DNAJC13: variants seen among roughly 807,000 people sequenced by gnomAD.
DNAJC13 encodes dnaJ homolog subfamily C member 13.
DNAJC13 carries 75 observed loss-of-function variants against 290.5 expected under a neutral mutation model. That is an observed-to-expected ratio of 0.26 (90% CI 0.21 to 0.31). DNAJC13 has a LOEUF of 0.31. Ranked by LOEUF, DNAJC13 falls within the 10% of genes least tolerant of loss-of-function variation. The pLI, the probability that DNAJC13 is intolerant of heterozygous loss-of-function variation, is 1.00. For missense variants in DNAJC13, 2,260 were observed against 2,674.5 expected (o/e 0.85, Z 3.42); for synonymous variants, 862 against 892.0 (o/e 0.97, Z 0.60).
intron 20 of DNAJC13, chr3:132,472,592 C>A: frequency 7.1e-6 from 7 of 985,296 alleles, no homozygotes; most frequent in Non-Finnish European, 7.2e-6. Context: ...GTTCCTGCTA[C>A]GTGTGTGAAA....
intron 2 of DNAJC13, 66 bp from the exon 3 acceptor site, chr3:132,446,409 T>G: frequency 9.1e-7 from 1 of 1,104,340 alleles, no homozygotes; most frequent in Non-Finnish European, 1.3e-6. Flanking sequence ...TTTTGTGTTA[T>G]ATATATTTTC....
At chr3:132,468,290 CCTTA>C (rs1469751828) in intron 20 of DNAJC13, among the ~76,000 whole-genome samples, 1 of 152,166 alleles carries the variant, frequency 6.6e-6, no homozygotes, top group Admixed American at 6.5e-5. Flanking sequence ...TTAATCTTCT[CCTTA>C]CTTATGGTAG....
At chr3:132,534,958 T>C (rs1936545134) in intron 55 of DNAJC13, among the ~76,000 whole-genome samples, 1 of 152,240 alleles carries the variant, frequency 6.6e-6, no homozygotes, top group African/African-American at 2.4e-5. Context: ...TCCAGGAATT[T>C]ATAGTGTTGT....
chr3:132,536,636 C>T (rs1480845959), intron 55 of DNAJC13, among the ~76,000 whole-genome samples: 1 of 152,130 alleles, frequency 6.6e-6, no homozygotes, highest in African/African-American at 2.4e-5. Flanking sequence ...TTGATGACAC[C>T]TACTGGATGG....
intron 24 of DNAJC13, 66 bp downstream of exon 24, chr3:132,478,206 A>T: frequency 1.5e-6 from 2 of 1,358,852 alleles, no homozygotes; most frequent in African/African-American, 2.9e-5. Flanking sequence ...AAATTTTAAA[A>T]ACTAAATTTA....
Position 132,491,014 on chromosome 3 carries a change from T to G in DNAJC13, c.3586T>G (p.Phe1196Val). Residue 1196 changes from phenylalanine to valine, a missense_variant, in exon 32 of 56, where the codon TTT becomes GTT. Transcript: ENST00000260818. ...EKFSEIFLGEFDTPEAIWSSE... is the reference protein window; with the variant it reads ...EKFSEIFLGEVDTPEAIWSSE... ...GTTTTCTGAGATTTTTCTAGGAGAA[T>G]TTGATACTCCAGAAGCAATCTGGAG... 6.2e-7 allele frequency: 1 copy of G among 1,612,648 alleles called. No individual in the cohort carries two copies. Among genetic ancestry groups the G allele is most frequent in the Non-Finnish European group, 8.5e-7 (1 of 1,179,450 alleles).
intron 2 of DNAJC13, among the ~76,000 whole-genome samples, chr3:132,437,117 A>G (rs1189204363): frequency 6.6e-6 from 1 of 151,872 alleles, no homozygotes; most frequent in African/African-American, 2.4e-5. Flanking sequence ...GACCTCAAGT[A>G]ATCCGCCCGC....
chr3:132,468,283 ATCT>A (rs1217244790), intron 20 of DNAJC13, among the ~76,000 whole-genome samples: 1 of 152,182 alleles, frequency 6.6e-6, no homozygotes, highest in East Asian at 1.9e-4. Flanking sequence ...TTTCTCCTTA[ATCT>A]TCTCCTTACT....
At chr3:132,418,943 C>T (rs532056971) in intron 1 of DNAJC13, among the ~76,000 whole-genome samples, 77 of 152,292 alleles carry the variant, frequency 5.1e-4, no homozygotes, top group Middle Eastern at 3.4e-3. Context: ...AACCACTTGT[C>T]AGAAATTCGG....
chr3:132,500,761 A>C, intron 38 of DNAJC13, 33 bp from the exon 39 acceptor site: 1 of 1,611,568 alleles, frequency 6.2e-7, no homozygotes, highest in Non-Finnish European at 8.5e-7. Context: ...ATGTGACTCT[A>C]CTGGTTTTTT....
intron 51 of DNAJC13, among the ~76,000 whole-genome samples, chr3:132,524,480 T>C (rs901388282): frequency 6.6e-6 from 1 of 152,212 alleles, no homozygotes; most frequent in Non-Finnish European, 1.5e-5. Context: ...AGAATAGTCA[T>C]AGCAGCTGCC....
intron 2 of DNAJC13, 119 bp from the exon 3 acceptor site, chr3:132,446,356 C>A: frequency 1.6e-6 from 1 of 629,984 alleles, no homozygotes; most frequent in Non-Finnish European, 2.7e-6. Flanking sequence ...TATATTTAGT[C>A]ACCATTAATC....
intron 1 of DNAJC13, among the ~76,000 whole-genome samples, chr3:132,424,967 A>T (rs1414336477): frequency 2.0e-5 from 3 of 152,134 alleles, no homozygotes; most frequent in African/African-American, 7.2e-5. Context: ...TTTCCCCCAT[A>T]CACAGCACAT....
Position 132,447,375 on chromosome 3 carries a change from G to T in DNAJC13, c.199G>T (p.Glu67Ter). Reference protein sequence around the residue: ...ISPVGKGQGTEFNLTFRKGSG... With the variant: ...ISPVGKGQGT Reference sequence around the variant, plus strand: ...CCCTGTTGGAAAAGGACAAGGAACGGAGTTCAACCTCACATTTCGTAAAGG... The same window carrying T: ...CCCTGTTGGAAAAGGACAAGGAACGTAGTTCAACCTCACATTTCGTAAAGG... Residue 67 changes from glutamate (E) to a stop codon, truncating the protein, a stop_gained, in exon 4 of 56, where the codon GAG becomes TAG. Transcript: ENST00000260818. LOFTEE classifies it high-confidence loss of function. 1 of 1,608,316 alleles carries T rather than the reference G, an allele frequency of 6.2e-7. No homozygotes were observed. Among genetic ancestry groups the T allele is most frequent in the Non-Finnish European group, 8.5e-7 (1 of 1,177,544 alleles).
chr3:132,466,765 A>G (rs574799010), intron 19 of DNAJC13, among the ~76,000 whole-genome samples: 1 of 152,320 alleles, frequency 6.6e-6, no homozygotes, highest in Admixed American at 6.5e-5. Context: ...TGTTGTTGGT[A>G]AAAACGGCCA....
chr3:132,501,341 A>T (rs1935404649), intron 39 of DNAJC13, among the ~76,000 whole-genome samples: 1 of 152,230 alleles, frequency 6.6e-6, no homozygotes, highest in Non-Finnish European at 1.5e-5. Flanking sequence ...TCTACAAAAA[A>T]ATACAAAAAT....
At chr3:132,477,401 T>A (rs1934508782) in intron 22 of DNAJC13, among the ~76,000 whole-genome samples, 1 of 152,178 alleles carries the variant, frequency 6.6e-6, no homozygotes, top group Non-Finnish European at 1.5e-5. Context: ...TGTGTTGGTT[T>A]TAAGTCTGGC....
At chr3:132,536,231 G>A (rs1936586606) in intron 55 of DNAJC13, among the ~76,000 whole-genome samples, 1 of 152,220 alleles carries the variant, frequency 6.6e-6, no homozygotes, top group Non-Finnish European at 1.5e-5. Flanking sequence ...GCAGTTAGCT[G>A]GATGATGTGG....
At chr3:132,461,547 G>A (rs1281141825) in intron 15 of DNAJC13, among the ~76,000 whole-genome samples, 4 of 152,104 alleles carry the variant, frequency 2.6e-5, no homozygotes, top group African/African-American at 4.8e-5. Flanking sequence ...TAATATTGAC[G>A]AATAAATGCA....
Sources: gnomAD v4.1 joint callset for allele counts (sites outside exome capture counted in the v4.1 genomes callset) on GRCh38, gnomAD v4.1.1 for gene constraint, MANE v1.5 for transcripts, NCBI Gene and HGNC (gene_info 2026-07-23, HGNC 2026-07-21) for gene names.